The following ATXN1 variants were observed in gnomAD, a reference collection of about 807,000 sequenced individuals.
ATXN1 encodes ataxin-1.
ATXN1 carries 8 observed loss-of-function variants against 56.4 expected under a neutral mutation model. The ratio of observed to expected loss-of-function variants is 0.14; its 90% CI spans 0.08 to 0.26. The LOEUF (loss-of-function observed/expected upper bound fraction) is 0.26, where lower values mean the gene tolerates loss of function less well. ATXN1 is among the 10% of genes least tolerant of loss of function. The pLI is 1.00. For missense variants in ATXN1, 987 were observed against 1,106.5 expected (o/e 0.89, Z 1.53); for synonymous variants, 514 against 494.6 (o/e 1.04, Z -0.52).
intron 4 of ATXN1, among the ~76,000 whole-genome samples, chr6:16,565,923 G>A (rs760804191): frequency 1.3e-5 from 2 of 152,156 alleles, no homozygotes; most frequent in Non-Finnish European, 2.9e-5. Flanking sequence ...ATAGCCCACT[G>A]GGTCCAATTT....
rs774779230 is a variant in ATXN1, at chr6:16,328,011, G to T, written c.300C>A (p.Thr100=). The T allele has an allele frequency of 5.6e-6, 9 of 1,613,742 alleles. No individual in the cohort carries two copies. The South Asian group carries it at 6.6e-5, about 12-fold the overall frequency. The change falls in exon 7 of 8, where the codon ACC becomes ACA. Residue 100 remains threonine (T), a synonymous_variant. Transcript: ENST00000436367. The surrounding 1 kb of genome is among the most constrained non-coding windows in gnomAD (Gnocchi z 6.2). ...GGGTGGCGTACGCGGCAGGCAGCGT[G>T]GTGGCCACGGGGACAGACCTGGGAG... The part of the protein sequence containing the change: ...PSAPRSVPVA[T]TLPAAYATPQ...
chr6:16,678,460 C>T (rs771175200), intron 2 of ATXN1, among the ~76,000 whole-genome samples: 11 of 152,062 alleles, frequency 7.2e-5, no homozygotes, highest in African/African-American at 2.2e-4. Flanking sequence ...TATTTTCTTA[C>T]AGTTAGTTTG....
At chr6:16,379,917 A>G (rs980019045) in intron 6 of ATXN1, among the ~76,000 whole-genome samples, 7 of 152,238 alleles carry the variant, frequency 4.6e-5, no homozygotes, top group Non-Finnish European at 8.8e-5. Flanking sequence ...GAAGGAAAGG[A>G]AAACAAGAAA....
intron 2 of ATXN1, among the ~76,000 whole-genome samples, chr6:16,744,905 G>A (rs1057485798): frequency 2.2e-4 from 34 of 152,314 alleles, no homozygotes; most frequent in African/African-American, 7.9e-4. Context: ...AAGGACACTG[G>A]ACTAGGGAAG....
chr6:16,437,911 T>C (rs993892841), intron 6 of ATXN1, among the ~76,000 whole-genome samples: 1 of 152,200 alleles, frequency 6.6e-6, no homozygotes, highest in Non-Finnish European at 1.5e-5. Flanking sequence ...AATTCTGGCC[T>C]TGGCTACTAT....
intron 7 of ATXN1, among the ~76,000 whole-genome samples, chr6:16,313,849 AC>A (rs1396821780): frequency 1.3e-5 from 2 of 152,190 alleles, no homozygotes; most frequent in Non-Finnish European, 2.9e-5. Flanking sequence ...GAAGTGAGTC[AC>A]CGCGCCCACC....
rs1453722458 is a variant in ATXN1 at position 16,760,314 on chromosome 6, C to G, written c.-730+984G>C. Among the ~76,000 whole-genome samples, 1 of 152,004 alleles carries G rather than the reference C, an allele frequency of 6.6e-6. No homozygotes were observed. Among genetic ancestry groups the G allele is most frequent in the African/African-American group, 2.4e-5 (1 of 41,436 alleles). ...CCCAGCAGCCGCGCAGCCGTTCACT[C>G]CCGGCTCAGGGCAGCGCCTGCCGCG... On this transcript the variant is annotated intron_variant, in intron 1 of 7. Transcript: ENST00000436367. The surrounding 1 kb of genome is among the most constrained non-coding windows in gnomAD (Gnocchi z 5.3).
chr6:16,384,434 C>T (rs7738608), intron 6 of ATXN1, among the ~76,000 whole-genome samples: 51,305 of 152,114 alleles, frequency 0.34, 10,129 homozygotes, highest in East Asian at 0.92. Context: ...TTCAGCCTAA[C>T]ACTTCATTCA....
chr6:16,474,862 A>ACT (rs199595059), intron 6 of ATXN1, among the ~76,000 whole-genome samples: 3,289 of 138,160 alleles, frequency 0.024, 45 homozygotes, highest in East Asian at 0.046. Context: ...ACACACACAC[A>ACT]CACTCTCTCT....
chr6:16,395,611 C>A (rs907412052), intron 6 of ATXN1, among the ~76,000 whole-genome samples: 1 of 152,152 alleles, frequency 6.6e-6, no homozygotes. Flanking sequence ...CATGCAATTA[C>A]GCACAGTACA....
chr6:16,476,699 A>G (rs1440476204), intron 6 of ATXN1, among the ~76,000 whole-genome samples: 1 of 152,196 alleles, frequency 6.6e-6, no homozygotes, highest in Non-Finnish European at 1.5e-5. Context: ...GATTTACTTT[A>G]TCTCATACAA....
intron 4 of ATXN1, among the ~76,000 whole-genome samples, chr6:16,551,386 T>G (rs1012515975): frequency 2.6e-5 from 4 of 150,980 alleles, no homozygotes; most frequent in Non-Finnish European, 5.9e-5. Flanking sequence ...AAAGAAAGAT[T>G]CCAGAAGGAA....
At chr6:16,612,812 A>G (rs1474078552) in intron 3 of ATXN1, among the ~76,000 whole-genome samples, 1 of 151,470 alleles carries the variant, frequency 6.6e-6, no homozygotes, top group African/African-American at 2.4e-5. Flanking sequence ...AATCACTTGA[A>G]CCCGTAAGGT....
intron 3 of ATXN1, among the ~76,000 whole-genome samples, chr6:16,600,075 T>C (rs1762886734): frequency 6.6e-6 from 1 of 152,254 alleles, no homozygotes; most frequent in African/African-American, 2.4e-5. Flanking sequence ...GCCATTGTTT[T>C]TTATTTAATA....
chr6:16,415,172 G>T lies in ATXN1; in HGVS notation c.-161+70800C>A, dbSNP rs188276338. Among the ~76,000 whole-genome samples, 10 of 152,282 alleles carry T rather than the reference G, an allele frequency of 6.6e-5. No individual in the cohort carries two copies. The East Asian group carries it at 1.7e-3, about 26-fold the overall frequency. On this transcript the variant is annotated intron_variant, in intron 6 of 7. Transcript: ENST00000436367. The stretch of plus-strand genomic sequence containing the variant: ...AAAATATATGGAATATAATAAAATA[G>T]AAATTTGGCCAATTAATTAATATTA...
At chr6:16,399,806 G>A (rs903078404) in intron 6 of ATXN1, among the ~76,000 whole-genome samples, 3 of 152,138 alleles carry the variant, frequency 2.0e-5, no homozygotes, top group Non-Finnish European at 4.4e-5. Context: ...CCCCAAATAG[G>A]ATGATCTGGG....
chr6:16,362,015 G>A (rs179974), intron 6 of ATXN1, among the ~76,000 whole-genome samples: 119,494 of 152,156 alleles, frequency 0.79, 47,186 homozygotes, highest in African/African-American at 0.87. Context: ...TGAATTGCTG[G>A]GTCTGACGTG....
In ATXN1 at chr6:16,439,950, C is replaced by CTGTA. The variant is rs1445330229; in HGVS notation, c.-161+46018_-161+46021dup. On this transcript the variant is annotated intron_variant, in intron 6 of 7. Coordinates refer to ENST00000436367, the MANE Select transcript of ATXN1 (RefSeq NM_001128164.2). ...ATTAGGTGGGTGTGATGGTAGGCACCTGTAATCCCAGCTACTCGGGAGGCT... is the reference window on the plus strand; with the variant it reads ...ATTAGGTGGGTGTGATGGTAGGCACCTGTATGTAATCCCAGCTACTCGGGAGGCT... Among the ~76,000 whole-genome samples the CTGTA allele has an allele frequency of 4.6e-5, 7 of 151,936 alleles. No homozygotes were observed. The South Asian group carries it at 1.0e-3, about 23-fold the overall frequency.
intron 2 of ATXN1, among the ~76,000 whole-genome samples, chr6:16,729,375 C>T (rs949303930): frequency 1.3e-5 from 2 of 152,146 alleles, no homozygotes; most frequent in South Asian, 2.1e-4. Flanking sequence ...AATATATAAG[C>T]GTTCGCTGGC....
Sources: allele counts gnomAD v4.1 joint callset (sites outside exome capture counted in the v4.1 genomes callset), GRCh38; gene constraint gnomAD v4.1.1; non-coding constraint Gnocchi (gnomAD v3.1); transcripts MANE v1.5; gene names NCBI Gene and HGNC (gene_info 2026-07-23, HGNC 2026-07-21).